Variants in PTH2R observed in about 807,000 individuals in gnomAD.
PTH2R encodes parathyroid hormone 2 receptor.
A neutral mutation model predicts 60.3 loss-of-function variants in PTH2R; 59 were observed. The observed-to-expected ratio is 0.98, with a 90% CI of 0.79 to 1.22. The LOEUF (loss-of-function observed/expected upper bound fraction) is 1.22, where lower values mean the gene tolerates loss of function less well. Ranked by LOEUF, PTH2R falls within the 50% of genes most tolerant of loss-of-function variation. The pLI is 0.00. For synonymous variants in PTH2R, 256 were observed against 243.8 expected, an observed-to-expected ratio of 1.05 and a Z score of -0.47; for missense variants, 749 against 682.6, an observed-to-expected ratio of 1.10 and a Z score of -1.08.
chr2:208,425,194 G>A (rs928027518), intron 1 of PTH2R, among the ~76,000 whole-genome samples: 3 of 152,056 alleles, frequency 2.0e-5, no homozygotes, highest in African/African-American at 7.2e-5. Context: ...CATAATCATT[G>A]TGAAGGCAAT....
intron 1 of PTH2R, among the ~76,000 whole-genome samples, chr2:208,394,951 C>T (rs558072251): frequency 2.0e-5 from 3 of 152,206 alleles, no homozygotes; most frequent in South Asian, 2.1e-4. Flanking sequence ...GGGACAATAA[C>T]GAGACTAAAA....
chr2:208,413,424 T>G (rs1428787588), intron 1 of PTH2R, among the ~76,000 whole-genome samples: 1 of 152,132 alleles, frequency 6.6e-6, no homozygotes, highest in East Asian at 1.9e-4. Flanking sequence ...GTGTCACTGA[T>G]GTACAGAAAG....
chr2:208,461,853 A>G (rs1247343617), intron 9 of PTH2R, among the ~76,000 whole-genome samples: 5 of 152,242 alleles, frequency 3.3e-5, no homozygotes, highest in Admixed American at 2.0e-4. Flanking sequence ...CAGTAAAGCT[A>G]GGTGATTAAA....
chr2:208,459,776 C>A, intron 8 of PTH2R, 119 bp from the exon 9 acceptor site: 1 of 791,936 alleles, frequency 1.3e-6, no homozygotes, highest in Non-Finnish European at 2.1e-6. Flanking sequence ...ATTTCTTTGT[C>A]TATTTGTTTC....
intron 1 of PTH2R, among the ~76,000 whole-genome samples, chr2:208,394,705 G>C (rs935475726): frequency 1.3e-5 from 2 of 152,182 alleles, no homozygotes; most frequent in Admixed American, 6.5e-5. Context: ...GGGAGGGGGC[G>C]TGCTAGATTG....
In PTH2R at chr2:208,371,790, T is replaced by G. The variant is rs193181794; in HGVS notation, c.-259+11553T>G. ...AGTATTAGTTTTTTGCCACTCACTGTGTGTTGTGATATGACATACTCATAA... is the reference window on the plus strand; with the variant it reads ...AGTATTAGTTTTTTGCCACTCACTGGGTGTTGTGATATGACATACTCATAA... On this transcript the variant is annotated intron_variant, in intron 1 of 12. Transcript: ENST00000617735. Among the ~76,000 whole-genome samples, 409 of 152,222 alleles carry G rather than the reference T, an allele frequency of 2.7e-3. 1 individual carries two copies. Among genetic ancestry groups the G allele is most frequent in the Non-Finnish European group, 3.0e-3 (206 of 68,020 alleles).
At chr2:208,480,497 C>G (rs886969091) in intron 9 of PTH2R, among the ~76,000 whole-genome samples, 1 of 152,138 alleles carries the variant, frequency 6.6e-6, no homozygotes, top group Non-Finnish European at 1.5e-5. Context: ...CTTTTAAAAG[C>G]CAGAACTTGA....
chr2:208,388,085 G>T (rs148448398), intron 1 of PTH2R, among the ~76,000 whole-genome samples: 1 of 150,710 alleles, frequency 6.6e-6, no homozygotes, highest in South Asian at 2.1e-4. Context: ...CGAGGTGGGC[G>T]GATCACGAGG....
At chr2:208,482,857 G>T (rs1459285288) in intron 10 of PTH2R, among the ~76,000 whole-genome samples, 1 of 152,130 alleles carries the variant, frequency 6.6e-6, no homozygotes. Flanking sequence ...CATTCCCAGA[G>T]CCACGAACAT....
chr2:208,443,765 T>C (rs1252101733), intron 6 of PTH2R, among the ~76,000 whole-genome samples: 1 of 152,192 alleles, frequency 6.6e-6, no homozygotes, highest in East Asian at 1.9e-4. Context: ...TATTCTGGAA[T>C]GGAAACTGCA....
chr2:208,493,816 A>G lies in PTH2R; in HGVS notation c.*157A>G. 2.8e-6 allele frequency: 2 copies of G among 702,256 alleles called. No individual in the cohort carries two copies. Among genetic ancestry groups the G allele is most frequent in the East Asian group, 3.0e-5 (1 of 33,424 alleles). 43.5% of individuals were successfully genotyped at this position (702,256 alleles called of 1,614,324 possible). Reference sequence around the variant, plus strand: ...GCTCCATGAATTGGCTCCTGTAAATACTAACGACATGAAAATGCAAGTGTC... The same window carrying G: ...GCTCCATGAATTGGCTCCTGTAAATGCTAACGACATGAAAATGCAAGTGTC... On this transcript the variant is annotated 3_prime_UTR_variant, in exon 13 of 13. Coordinates refer to ENST00000272847, the MANE Select transcript of PTH2R (RefSeq NM_005048.4).
intron 1 of PTH2R, chr2:208,360,349 C>T: frequency 3.2e-6 from 1 of 309,490 alleles, no homozygotes; most frequent in Admixed American, 4.1e-5. Context: ...CCTCCCCGAG[C>T]CCCTCGGGGC....
intron 7 of PTH2R, among the ~76,000 whole-genome samples, chr2:208,445,716 G>C (rs1229398338): frequency 6.6e-6 from 1 of 152,102 alleles, no homozygotes; most frequent in African/African-American, 2.4e-5. Flanking sequence ...ATAAGAATAT[G>C]CCTTTGCCTA....
At chr2:208,437,101 T>G (rs1702090068) in intron 2 of PTH2R, among the ~76,000 whole-genome samples, 1 of 152,174 alleles carries the variant, frequency 6.6e-6, no homozygotes, top group Non-Finnish European at 1.5e-5. Flanking sequence ...AAGATAAACC[T>G]GAGTCTTGCG....
At chr2:208,435,398 C>A (rs1455719743) in intron 2 of PTH2R, among the ~76,000 whole-genome samples, 2 of 152,006 alleles carry the variant, frequency 1.3e-5, no homozygotes, top group Admixed American at 6.6e-5. Flanking sequence ...AGGTTATGGA[C>A]CTTAAAATGA....
intron 9 of PTH2R, among the ~76,000 whole-genome samples, chr2:208,480,299 C>T (rs1052716919): frequency 6.6e-6 from 1 of 152,200 alleles, no homozygotes; most frequent in African/African-American, 2.4e-5. Context: ...TTCCATTATT[C>T]CTAAGCACTA....
chr2:208,389,872 C>T (rs1352577943), intron 1 of PTH2R, among the ~76,000 whole-genome samples: 1 of 152,020 alleles, frequency 6.6e-6, no homozygotes, highest in Non-Finnish European at 1.5e-5. Context: ...ACATCTGGCA[C>T]ATAGTAGGTG....
chr2:208,486,493 G>C (rs1017761062), intron 10 of PTH2R, among the ~76,000 whole-genome samples: 1 of 152,242 alleles, frequency 6.6e-6, no homozygotes, highest in East Asian at 1.9e-4. Flanking sequence ...TTAATTTTGG[G>C]CTCCTAGTCA....
chr2:208,376,340 A>T (rs1700790374), intron 1 of PTH2R, among the ~76,000 whole-genome samples: 3 of 152,136 alleles, frequency 2.0e-5, no homozygotes, highest in Admixed American at 2.0e-4. Context: ...ACATTGTTAT[A>T]GGTTATAAAA....
Sources: gnomAD v4.1 joint callset for allele counts (sites outside exome capture counted in the v4.1 genomes callset) on GRCh38, gnomAD v4.1.1 for gene constraint, MANE v1.5 for transcripts, NCBI Gene and HGNC (gene_info 2026-07-23, HGNC 2026-07-21) for gene names.